KCNQ1: variants seen among roughly 807,000 people sequenced by gnomAD.
The protein encoded by KCNQ1 is potassium voltage-gated channel subfamily KQT member 1.
In KCNQ1, 49 loss-of-function variants were observed where a neutral mutation model predicts 72.4. The ratio of observed to expected loss-of-function variants is 0.68; its 90% CI spans 0.54 to 0.86. KCNQ1 has a LOEUF of 0.86. Among genes scored for constraint, KCNQ1 ranks in the 40% least tolerant of loss-of-function variants. The pLI, the probability that KCNQ1 is intolerant of heterozygous loss-of-function variation, is 0.00. For synonymous variants in KCNQ1, 450 were observed against 412.6 expected, an observed-to-expected ratio of 1.09 and a Z score of -1.10; for missense variants, 790 against 945.1, an observed-to-expected ratio of 0.84 and a Z score of 2.15.
chr11:2,524,365 C>T (rs994536496), intron 1 of KCNQ1, among the ~76,000 whole-genome samples: 47 of 152,316 alleles, frequency 3.1e-4, no homozygotes, highest in Non-Finnish European at 5.0e-4. Flanking sequence ...TGTGTCTCCT[C>T]CTCAGTTTAC....
rs923046137 is a variant in KCNQ1, at chr11:2,824,269, C to T, written c.1795-23498C>T. Among the ~76,000 whole-genome samples the T allele has an allele frequency of 2.6e-5, 4 of 152,026 alleles. No individual in the cohort carries two copies. The highest frequency in any genetic ancestry group is 4.4e-5 in the Non-Finnish European group (3 of 67,990). ...GGTGGGTGAGGAGGCTACGCAGAGGCCCTGGGAGGAGGGAGGCTAGGCCCA... is the reference window on the plus strand; with the variant it reads ...GGTGGGTGAGGAGGCTACGCAGAGGTCCTGGGAGGAGGGAGGCTAGGCCCA... On this transcript the variant is annotated intron_variant, in intron 15 of 15. Transcript: ENST00000155840. The surrounding 1 kb of genome is among the most constrained non-coding windows in gnomAD (Gnocchi z 5.9).
intron 11 of KCNQ1, among the ~76,000 whole-genome samples, chr11:2,732,615 C>T (rs116163778): frequency 1.8e-4 from 28 of 152,328 alleles, no homozygotes; most frequent in Admixed American, 7.2e-4. Flanking sequence ...CGACGGGGCC[C>T]GAGGGCCGTC....
In KCNQ1 at chr11:2,608,984, A is replaced by G; in HGVS notation, c.1393+20130A>G. 1 of 398,260 alleles carries G rather than the reference A, an allele frequency of 2.5e-6. No homozygotes were observed. The highest frequency in any genetic ancestry group is 4.4e-6 in the Non-Finnish European group (1 of 226,016). The allele number at this position is 398,260 out of a possible 1,614,324, so 24.7% of individuals were successfully genotyped here. On this transcript the variant is annotated intron_variant, in intron 10 of 15. Coordinates refer to ENST00000155840, the MANE Select transcript of KCNQ1 (RefSeq NM_000218.3). This position sits in a 1 kb window ranked among gnomAD's most constrained non-coding sequence, Gnocchi z 4.6. ...AAGGTTTGTTAATTTCAAAGAACCAAATTTTGGATTTGTTGACTTTATTAT... is the reference window on the plus strand; with the variant it reads ...AAGGTTTGTTAATTTCAAAGAACCAGATTTTGGATTTGTTGACTTTATTAT...
Position 2,567,245 on chromosome 11 carries a change from A to G in KCNQ1, c.478-3383A>G, listed in dbSNP as rs540197457. Among the ~76,000 whole-genome samples, 1 of 151,980 alleles carries G rather than the reference A, an allele frequency of 6.6e-6. No homozygotes were observed. Among genetic ancestry groups the G allele is most frequent in the Non-Finnish European group, 1.5e-5 (1 of 67,970 alleles). On this transcript the variant is annotated intron_variant, in intron 2 of 15. Coordinates refer to ENST00000155840, the MANE Select transcript of KCNQ1 (RefSeq NM_000218.3). This position sits in a 1 kb window ranked among gnomAD's most constrained non-coding sequence, Gnocchi z 6.6. The stretch of plus-strand genomic sequence containing the variant: ...GAGGAGCTTGAGGCCCCTTTAGTTC[A>G]CCTTTGGAACTTAGGACCAAGTCTG...
intron 11 of KCNQ1, among the ~76,000 whole-genome samples, chr11:2,719,500 C>CAAAA (rs3216307): frequency 1.4e-4 from 20 of 144,320 alleles, no homozygotes; most frequent in Non-Finnish European, 2.0e-4. Context: ...AACAAACAAA[C>CAAAA]AAAAAAAAAA....
intron 11 of KCNQ1, chr11:2,672,519 C>T (rs1027994702): frequency 2.5e-6 from 1 of 398,578 alleles, no homozygotes; most frequent in African/African-American, 2.1e-5. Flanking sequence ...GCTCCCAGGC[C>T]TCTCCATTAC....
intron 2 of KCNQ1, among the ~76,000 whole-genome samples, chr11:2,552,783 G>A (rs1005918481): frequency 2.6e-5 from 4 of 151,558 alleles, no homozygotes; most frequent in African/African-American, 9.7e-5. Flanking sequence ...CCTCATGCAC[G>A]TCTTAGTAAT....
At chr11:2,531,818 G>A (rs1847638624) in intron 2 of KCNQ1, among the ~76,000 whole-genome samples, 1 of 152,156 alleles carries the variant, frequency 6.6e-6, no homozygotes, top group Non-Finnish European at 1.5e-5. Flanking sequence ...GCCACACCTT[G>A]CGTCTCACCA....
Position 2,698,244 on chromosome 11 carries a change from G to C in KCNQ1, c.1514+36163G>C, listed in dbSNP as rs1162709272. Reference sequence around the variant, plus strand: ...ATCAAATGTGGATATTATCAGGAAAGTTTTTATACTTTGTGATAATCTAAG... The same window carrying C: ...ATCAAATGTGGATATTATCAGGAAACTTTTTATACTTTGTGATAATCTAAG... On this transcript the variant is annotated intron_variant, in intron 11 of 15. Coordinates refer to ENST00000155840, the MANE Select transcript of KCNQ1 (RefSeq NM_000218.3). The surrounding 1 kb of genome is among the most constrained non-coding windows in gnomAD (Gnocchi z 5.1). 7.5e-6 allele frequency: 3 copies of C among 398,608 alleles called. No homozygotes were observed. In the East Asian group the frequency reaches 1.1e-4, roughly 14 times the overall value. The allele number at this position is 398,608 out of a possible 1,614,324, so 24.7% of individuals were successfully genotyped here.
intron 6 of KCNQ1, among the ~76,000 whole-genome samples, chr11:2,576,845 G>A (rs1249422684): frequency 5.3e-5 from 8 of 152,176 alleles, no homozygotes; most frequent in Admixed American, 1.3e-4. Flanking sequence ...GCCGAGGGGC[G>A]GCAGGACCTG....
chr11:2,511,203 C>A (rs560579896), intron 1 of KCNQ1, among the ~76,000 whole-genome samples: 1 of 152,074 alleles, frequency 6.6e-6, no homozygotes, highest in Non-Finnish European at 1.5e-5. Context: ...GTGGGATGCA[C>A]CTTGGGTGTG....
intron 11 of KCNQ1, among the ~76,000 whole-genome samples, chr11:2,702,280 C>G (rs560355113): frequency 6.6e-5 from 10 of 152,318 alleles, no homozygotes; most frequent in African/African-American, 2.4e-4. Flanking sequence ...TTCTTTGGGC[C>G]TTTGTTAGCT....
At chr11:2,795,977 C>A (rs1215133407) in intron 15 of KCNQ1, among the ~76,000 whole-genome samples, 1 of 151,970 alleles carries the variant, frequency 6.6e-6, no homozygotes, top group Non-Finnish European at 1.5e-5. Context: ...GCCCCACTCA[C>A]ACAGGGACAC....
chr11:2,572,902 T>C lies in KCNQ1; in HGVS notation c.837T>C (p.Phe279=), dbSNP rs2133732725. The change falls in exon 6 of 16, where the codon TTT becomes TTC. Residue 279 remains phenylalanine (F), a synonymous_variant. Transcript: ENST00000155840. ...TGGGCCTCATCTTCTCCTCGTACTTTGTGTACCTGGCTGAGAAGGACGCGG... is the reference window on the plus strand; with the variant it reads ...TGGGCCTCATCTTCTCCTCGTACTTCGTGTACCTGGCTGAGAAGGACGCGG... The part of the protein sequence containing the change: ...GFLGLIFSSY[F]VYLAEKDAVN... 2.5e-6 allele frequency: 4 copies of C among 1,613,828 alleles called. No individual in the cohort carries two copies. Among genetic ancestry groups the C allele is most frequent in the African/African-American group, 1.3e-5 (1 of 75,062 alleles).
At chr11:2,778,722 C>T (rs954270834) in intron 15 of KCNQ1, among the ~76,000 whole-genome samples, 2 of 152,242 alleles carry the variant, frequency 1.3e-5, no homozygotes, top group Non-Finnish European at 2.9e-5. Flanking sequence ...GTTATCTTGC[C>T]GAACAGCAAG....
In KCNQ1 at chr11:2,798,917, CG is replaced by C. The variant is rs374527711; in HGVS notation, c.1794+20885del. 1.8e-3 allele frequency among the ~76,000 whole-genome samples: 266 copies of C among 151,954 alleles called. 1 individual carries two copies. Among genetic ancestry groups the C allele is most frequent in the African/African-American group, 5.7e-3 (235 of 41,422 alleles). On this transcript the variant is annotated intron_variant, in intron 15 of 15. Coordinates refer to ENST00000155840, the MANE Select transcript of KCNQ1 (RefSeq NM_000218.3). ...AGGGGCTGGAGGAGCAGGAACAGGA[CG>C]GGGGAAGGAGAGGAAGAAGAGGAAG...
intron 1 of KCNQ1, among the ~76,000 whole-genome samples, chr11:2,485,863 T>C (rs143999674): frequency 1.3e-5 from 2 of 152,378 alleles, no homozygotes; most frequent in African/African-American, 2.4e-5. Flanking sequence ...GTAGCATGTG[T>C]CAGAATTTCC....
rs984479296 is a variant in KCNQ1, at chr11:2,657,527, G to A, written c.1394-4434G>A. 8 of 398,364 alleles carry A rather than the reference G, an allele frequency of 2.0e-5. No homozygotes were observed. The highest frequency in any genetic ancestry group is 3.6e-5 in the East Asian group (1 of 28,064). 24.7% of individuals were successfully genotyped at this position (398,364 alleles called of 1,614,324 possible). A position where few individuals can be genotyped will look rare whatever the true frequency, so the allele number is the denominator to read the frequency against. ...ACAGAAGAGAAACAAAAATAGTACC[G>A]AGTACCCACATCCCTTTCACCAGCT... On this transcript the variant is annotated intron_variant, in intron 10 of 15. Transcript: ENST00000155840. This position sits in a 1 kb window ranked among gnomAD's most constrained non-coding sequence, Gnocchi z 4.8.
chr11:2,620,989 G>A lies in KCNQ1; in HGVS notation c.1393+32135G>A. 2.6e-6 allele frequency: 1 copy of A among 387,076 alleles called. No individual in the cohort carries two copies. The highest frequency in any genetic ancestry group is 1.4e-4 in the South Asian group (1 of 6,904). The allele number at this position is 387,076 out of a possible 1,614,324, so 24.0% of individuals were successfully genotyped here. On this transcript the variant is annotated intron_variant, in intron 10 of 15. Transcript: ENST00000155840. This position sits in a 1 kb window ranked among gnomAD's most constrained non-coding sequence, Gnocchi z 4.5. ...TTTTTGCTTTTTTGTTTGTTTGTTT[G>A]TTTTTTGAGAAAGAGTCTTGCTCTG...
Sources: allele counts gnomAD v4.1 joint callset (sites outside exome capture counted in the v4.1 genomes callset), GRCh38; gene constraint gnomAD v4.1.1; non-coding constraint Gnocchi (gnomAD v3.1); transcripts MANE v1.5; gene names NCBI Gene and HGNC (gene_info 2026-07-23, HGNC 2026-07-21).